Variants in ZFC3H1 observed in about 807,000 individuals in gnomAD.
ZFC3H1 encodes zinc finger C3H1 domain-containing protein.
A neutral mutation model predicts 243.7 loss-of-function variants in ZFC3H1; 71 were observed. The ratio of observed to expected loss-of-function variants is 0.29; its 90% confidence interval spans 0.24 to 0.36. ZFC3H1 has a LOEUF of 0.36. Ranked by LOEUF, ZFC3H1 falls within the 10% of genes least tolerant of loss-of-function variation. The pLI, the probability that ZFC3H1 is intolerant of heterozygous loss-of-function variation, is 1.00. For missense variants in ZFC3H1, 1,966 were observed against 2,317.1 expected, an observed-to-expected ratio of 0.85 and a Z score of 3.11; for synonymous variants, 838 against 813.0, an observed-to-expected ratio of 1.03 and a Z score of -0.52.
chr12:71,626,217 C>CAT (rs1399616131), intron 22 of ZFC3H1, 43 bp downstream of exon 22: 3 of 1,579,296 alleles, frequency 1.9e-6, no homozygotes, highest in Non-Finnish European at 8.6e-7. Context: ...TATACACACA[C>CAT]ACACACACAC....
At chr12:71,656,120 G>A (rs983927280) in intron 2 of ZFC3H1, among the ~76,000 whole-genome samples, 48 of 152,134 alleles carry the variant, frequency 3.2e-4, no homozygotes, top group Non-Finnish European at 6.0e-4. Flanking sequence ...GTGAACTAAG[G>A]GCTGAGGGAC....
At chr12:71,632,814 A>C in intron 14 of ZFC3H1, 72 bp downstream of exon 14, 1 of 1,561,460 alleles carries the variant, frequency 6.4e-7, no homozygotes, top group South Asian at 1.2e-5. Flanking sequence ...CTTTATATAT[A>C]CATCTTACCC....
chr12:71,629,155 G>A lies in ZFC3H1; in HGVS notation c.3827-118C>T, dbSNP rs535657456. The A allele has an allele frequency of 3.3e-5, 29 of 891,686 alleles. No homozygotes were observed. In the East Asian group the frequency reaches 3.8e-4, roughly 12 times the overall value. The allele number at this position is 891,686 out of a possible 1,614,324, so 55.2% of individuals were successfully genotyped here. A position where few individuals can be genotyped will look rare whatever the true frequency, so the allele number is the denominator to read the frequency against. On this transcript the variant is annotated intron_variant, in intron 19 of 34. Coordinates refer to ENST00000378743, the MANE Select transcript of ZFC3H1 (RefSeq NM_144982.5). ...ATTCACTCCATCTTAGAAATGATAC[G>A]TATTTTTTTTTTTTTTTTGAGATGG... is the stretch of plus-strand genomic sequence containing the variant.
intron 32 of ZFC3H1, 147 bp from the exon 33 acceptor site, chr12:71,611,244 C>T (rs575756440): frequency 1.3e-3 from 954 of 754,076 alleles, no homozygotes; most frequent in Non-Finnish European, 1.5e-3. Flanking sequence ...GGCTAAACTT[C>T]CAAGGAGGAA....
intron 24 of ZFC3H1, among the ~76,000 whole-genome samples, chr12:71,621,578 T>C (rs908367701): frequency 2.0e-5 from 3 of 152,110 alleles, no homozygotes; most frequent in Non-Finnish European, 4.4e-5. Flanking sequence ...AGTGCTGGGA[T>C]TACAGATGTG....
At chr12:71,642,810 C>G (rs772471267) in intron 5 of ZFC3H1, among the ~76,000 whole-genome samples, 26 of 152,154 alleles carry the variant, frequency 1.7e-4, no homozygotes, top group Non-Finnish European at 3.8e-4. Flanking sequence ...CCATTGTTAG[C>G]TGAGCCACTA....
chr12:71,620,449 C>A, intron 24 of ZFC3H1, 134 bp from the exon 25 acceptor site: 1 of 847,000 alleles, frequency 1.2e-6, no homozygotes, highest in African/African-American at 1.7e-5. Context: ...TCATCTTATT[C>A]ACCTTTACTG....
intron 2 of ZFC3H1, among the ~76,000 whole-genome samples, chr12:71,655,599 T>A (rs371682808): frequency 6.6e-6 from 1 of 152,234 alleles, no homozygotes; most frequent in African/African-American, 2.4e-5. Flanking sequence ...ACAAAAAATA[T>A]AGAGTTTACA....
At position 71,610,320 on chromosome 12, in the gene ZFC3H1, C is replaced by T. The variant is rs900013015; in HGVS notation, c.*108G>A. 1.3e-5 allele frequency: 17 copies of T among 1,315,714 alleles called. No homozygotes were observed. The highest frequency in any genetic ancestry group is 1.6e-5 in the Non-Finnish European group (15 of 956,064). The allele number at this position is 1,315,714 out of a possible 1,614,324, so 81.5% of individuals were successfully genotyped here. A position where few individuals can be genotyped will look rare whatever the true frequency, so the allele number is the denominator to read the frequency against. On this transcript the variant is annotated 3_prime_UTR_variant, in exon 35 of 35. Transcript: ENST00000378743. ...AGGGAACTTGATATGATCAATAACG[C>T]TTGTCTGCCTTACACAGACCTTAGC...
At position 71,663,744 on chromosome 12, in the gene ZFC3H1, C is replaced by T; in HGVS notation, c.-134G>A. 3.8e-6 allele frequency: 4 copies of T among 1,063,102 alleles called. No homozygotes were observed. Among genetic ancestry groups the T allele is most frequent in the Non-Finnish European group, 2.7e-6 (2 of 740,204 alleles). The allele number at this position is 1,063,102 out of a possible 1,614,324, so 65.9% of individuals were successfully genotyped here. ...CTACTCGGACACCAAGCGGCCTCTG[C>T]TCCCCAACTTCCCCGCACCCCAGCA... On this transcript the variant is annotated 5_prime_UTR_variant, in exon 1 of 35. Transcript: ENST00000378743.
chr12:71,643,521 T>C (rs1246108219), intron 5 of ZFC3H1, among the ~76,000 whole-genome samples: 1 of 152,170 alleles, frequency 6.6e-6, no homozygotes, highest in East Asian at 1.9e-4. Context: ...TCTTCATTAA[T>C]ACATTCTCAA....
intron 6 of ZFC3H1, among the ~76,000 whole-genome samples, chr12:71,641,918 C>T (rs1880611305): frequency 6.6e-6 from 1 of 152,170 alleles, no homozygotes; most frequent in African/African-American, 2.4e-5. Flanking sequence ...GGTACGACGT[C>T]AGCTCACTGC....
chr12:71,629,532 A>T (rs1038726122), intron 19 of ZFC3H1, 77 bp downstream of exon 19: 74 of 962,550 alleles, frequency 7.7e-5, no homozygotes, highest in Middle Eastern at 5.3e-4. Flanking sequence ...GAAACTAAAA[A>T]GTCCTTTTCA....
At chr12:71,640,381 G>T (rs117499322) in intron 6 of ZFC3H1, among the ~76,000 whole-genome samples, 1 of 152,212 alleles carries the variant, frequency 6.6e-6, no homozygotes, top group South Asian at 2.1e-4. Context: ...CTTACAGTGT[G>T]AGCACTGGCC....
intron 21 of ZFC3H1, among the ~76,000 whole-genome samples, chr12:71,626,801 ACT>A (rs955646824): frequency 3.9e-5 from 6 of 152,234 alleles, no homozygotes; most frequent in African/African-American, 1.4e-4. Context: ...AAGTTAAACA[ACT>A]CTCTCTCAAG....
rs1011974988 is a variant in ZFC3H1, at chr12:71,663,676, G to T, written c.-66C>A. The T allele has an allele frequency of 1.6e-5, 24 of 1,537,130 alleles. No individual in the cohort carries two copies. In the African/African-American group the frequency reaches 3.0e-4, roughly 19 times the overall value. On this transcript the variant is annotated 5_prime_UTR_variant, in exon 1 of 35. Transcript: ENST00000378743. ...CGGGGATCCGCCCGACAATTGCCTC[G>T]TTTCCCTTCTTTCCTAACGGACTGG... is the stretch of plus-strand genomic sequence containing the variant.
At chr12:71,645,796 G>A (rs541243887) in intron 3 of ZFC3H1, among the ~76,000 whole-genome samples, 10 of 152,176 alleles carry the variant, frequency 6.6e-5, no homozygotes, top group Non-Finnish European at 1.2e-4. Context: ...TTTCACTTTC[G>A]AAATAGTTTA....
At position 71,611,104 on chromosome 12, in the gene ZFC3H1, G is replaced by GAAAA. The variant is rs566085973; in HGVS notation, c.5730-11_5730-8dup. ...AATCTCAGCAGCAATGGCTCTAAGA[G>GAAAA]AAAAAAAAAAAAAAAGAAATATAGA... On this transcript the variant is annotated splice_polypyrimidine_tract_variant and splice_region_variant and intron_variant, in intron 32 of 34. Transcript: ENST00000378743. 100 of 1,280,864 alleles carry GAAAA rather than the reference G, an allele frequency of 7.8e-5. No individual in the cohort carries two copies. The highest frequency in any genetic ancestry group is 2.6e-4 in the South Asian group (14 of 54,530). The allele number at this position is 1,280,864 out of a possible 1,614,324, so 79.3% of individuals were successfully genotyped here. A position where few individuals can be genotyped will look rare whatever the true frequency, so the allele number is the denominator to read the frequency against.
chr12:71,634,118 C>T (rs1414747472), intron 12 of ZFC3H1, 37 bp downstream of exon 12: 1 of 1,583,396 alleles, frequency 6.3e-7, no homozygotes, highest in Non-Finnish European at 8.6e-7. Flanking sequence ...TTCTCTACCA[C>T]AGGAACAATT....
Sources: allele counts gnomAD v4.1 joint callset (sites outside exome capture counted in the v4.1 genomes callset), GRCh38; gene constraint gnomAD v4.1.1; transcripts MANE v1.5; gene names NCBI Gene and HGNC (gene_info 2026-07-23, HGNC 2026-07-21).